RUSC2: variants seen among roughly 807,000 people sequenced by gnomAD.
The protein encoded by RUSC2 is RUN and SH3 domain containing 2, also known as AP-4 complex accessory subunit RUSC2.
A neutral mutation model predicts 122.2 loss-of-function variants in RUSC2; 34 were observed. The observed-to-expected ratio is 0.28, with a 90% CI of 0.21 to 0.37. The LOEUF (loss-of-function observed/expected upper bound fraction) is 0.37. RUSC2 is among the 10% of genes least tolerant of loss of function. The probability of loss-of-function intolerance (pLI) is 1.00; values close to 1 mark genes in which losing one functional copy is unlikely to be tolerated. For synonymous variants in RUSC2, 784 were observed against 790.0 expected (o/e 0.99, Z 0.13); for missense variants, 1,747 against 1,952.4 (o/e 0.89, Z 1.98).
At position 35,517,516 on chromosome 9, in the gene RUSC2, A is replaced by G. The variant is rs931475102; in HGVS notation, c.-93+27344A>G. On this transcript the variant is annotated intron_variant, in intron 1 of 11. Coordinates refer to ENST00000361226, the MANE Select transcript of RUSC2 (RefSeq NM_014806.5). ...AGTGTCCTGGGCCCACAAACAGGGG[A>G]GAATTAGCTTTGTGGCTGCTAGATA... 3.9e-5 allele frequency among the ~76,000 whole-genome samples: 6 copies of G among 152,294 alleles called. No individual in the cohort carries two copies. In the East Asian group the frequency reaches 9.6e-4, roughly 24 times the overall value.
chr9:35,547,814 A>T lies in RUSC2; in HGVS notation c.1293A>T (p.Pro431=). The T allele has an allele frequency of 6.2e-7, 1 of 1,611,952 alleles. No homozygotes were observed. Among genetic ancestry groups the T allele is most frequent in the Non-Finnish European group, 8.5e-7 (1 of 1,179,190 alleles). ...AACACACCAAGATAAGTCCCCCACC[A>T]GGCCCTGGCCCAGACCCAGGCCCCA... is the stretch of plus-strand genomic sequence containing the variant. ...SEEHTKISPP[P]GPGPDPGPSQ... The change falls in exon 2 of 12, where the codon CCA becomes CCT. Residue 431 remains proline (P), a synonymous_variant. Transcript: ENST00000361226. The surrounding 1 kb of genome is among the most constrained non-coding windows in gnomAD (Gnocchi z 4.6).
At chr9:35,519,736 T>A (rs1027503532) in intron 1 of RUSC2, among the ~76,000 whole-genome samples, 2 of 152,196 alleles carry the variant, frequency 1.3e-5, no homozygotes, top group African/African-American at 4.8e-5. Flanking sequence ...GCCAAAGATA[T>A]AATAATAATA....
chr9:35,505,949 C>T (rs1820908037), intron 1 of RUSC2, among the ~76,000 whole-genome samples: 1 of 152,292 alleles, frequency 6.6e-6, no homozygotes, highest in South Asian at 2.1e-4. Flanking sequence ...GATGTTCATT[C>T]TCAACACTTC....
At chr9:35,549,339 G>C (rs1244523084) in intron 2 of RUSC2, 1 of 574,864 alleles carries the variant, frequency 1.7e-6, no homozygotes, top group Non-Finnish European at 2.2e-6. Flanking sequence ...CTTTCGCCCA[G>C]GCTGGAGTGC....
At chr9:35,542,490 G>A (rs1821660254) in intron 1 of RUSC2, among the ~76,000 whole-genome samples, 1 of 152,014 alleles carries the variant, frequency 6.6e-6, no homozygotes, top group Non-Finnish European at 1.5e-5. Context: ...AAGAAAACAG[G>A]GACAAGCCAC....
At chr9:35,497,571 T>A in intron 1 of RUSC2, among the ~76,000 whole-genome samples, 1 of 152,338 alleles carries the variant, frequency 6.6e-6, no homozygotes, top group African/African-American at 2.4e-5. Context: ...TAAACACATC[T>A]GTGGGAAGCT....
Position 35,547,388 on chromosome 9 carries a change from C to T in RUSC2, c.867C>T (p.Asn289=), listed in dbSNP as rs1407741275. The T allele has an allele frequency of 6.2e-7, 1 of 1,614,066 alleles. No individual in the cohort carries two copies. The highest frequency in any genetic ancestry group is 2.2e-5 in the East Asian group (1 of 44,888). ...GVLVTFSTLY[N]KMHGTPRANL... Reference sequence around the variant, plus strand: ...TGGTCACCTTCAGCACCCTCTACAACAAGATGCATGGCACCCCCCGTGCCA... The same window carrying T: ...TGGTCACCTTCAGCACCCTCTACAATAAGATGCATGGCACCCCCCGTGCCA... Residue 289 remains asparagine, a synonymous_variant, in exon 2 of 12, where the codon AAC becomes AAT. Coordinates refer to ENST00000361226, the MANE Select transcript of RUSC2 (RefSeq NM_014806.5). The surrounding 1 kb of genome is among the most constrained non-coding windows in gnomAD (Gnocchi z 4.6).
intron 1 of RUSC2, among the ~76,000 whole-genome samples, chr9:35,534,412 C>T (rs1821481815): frequency 8.2e-6 from 1 of 122,188 alleles, no homozygotes; most frequent in South Asian, 2.8e-4. Context: ...CCCATCTCTA[C>T]AAATAATACA....
chr9:35,560,226 C>G lies in RUSC2; in HGVS notation c.3586C>G (p.Gln1196Glu). 2 of 1,603,524 alleles carry G rather than the reference C, an allele frequency of 1.2e-6. No individual in the cohort carries two copies. The highest frequency in any genetic ancestry group is 1.7e-6 in the Non-Finnish European group (2 of 1,178,528). ...GCACAAGGAACTGCTGCGGGTGTCC[C>G]AGGACCTGCTGCTGTCTGCCCACTC... ...RQHKELLRVS[Q>E]DLLLSAHSTL... is the part of the protein sequence containing the mutation. Residue 1196 changes from glutamine (Q) to glutamate (E), a missense_variant, in exon 10 of 12, where the codon CAG (glutamine) becomes GAG (glutamate). Coordinates refer to ENST00000361226, the MANE Select transcript of RUSC2 (RefSeq NM_014806.5).
At chr9:35,559,997 G>A (rs765389898) in intron 9 of RUSC2, 32 bp from the exon 10 acceptor site, 2 of 1,538,144 alleles carry the variant, frequency 1.3e-6, no homozygotes, top group South Asian at 2.5e-5. Context: ...CTGGTTCTCT[G>A]TGTGGATCAG....
rs1381282463 is a variant in RUSC2 at position 35,546,631 on chromosome 9, G to A, written c.110G>A (p.Gly37Asp). The A allele has an allele frequency of 6.4e-6, 10 of 1,566,576 alleles. No homozygotes were observed. The highest frequency in any genetic ancestry group is 2.3e-5 in the East Asian group (1 of 44,298). ...TGCTGTGGAGGGGCAGGTGGAGGTG[G>A]TGGGAGCACAAGACCTAATCCCTTC... Reference protein sequence around the residue: ...RQCCGGAGGGGGSTRPNPFCP... With the variant: ...RQCCGGAGGGDGSTRPNPFCP... Residue 37 changes from glycine (G) to aspartate (D), a missense_variant, in exon 2 of 12, where the codon GGT (glycine) becomes GAT (aspartate). Transcript: ENST00000361226. This position sits in a 1 kb window ranked among gnomAD's most constrained non-coding sequence, Gnocchi z 4.3.
intron 2 of RUSC2, among the ~76,000 whole-genome samples, chr9:35,550,041 A>T (rs1221520912): frequency 6.6e-6 from 1 of 151,956 alleles, no homozygotes; most frequent in Non-Finnish European, 1.5e-5. Context: ...GTAAAACCCC[A>T]TCTCTACTAA....
At chr9:35,514,783 C>T (rs1361217893) in intron 1 of RUSC2, among the ~76,000 whole-genome samples, 3 of 152,128 alleles carry the variant, frequency 2.0e-5, no homozygotes, top group African/African-American at 4.8e-5. Flanking sequence ...GTTTTTTGCT[C>T]GGCTATCTCT....
intron 1 of RUSC2, among the ~76,000 whole-genome samples, chr9:35,510,726 A>G (rs942298860): frequency 1.3e-4 from 20 of 152,222 alleles, no homozygotes; most frequent in African/African-American, 4.8e-4. Flanking sequence ...CGTTTGCCCA[A>G]AGCAGAGAAG....
At chr9:35,519,828 G>A (rs1022701125) in intron 1 of RUSC2, among the ~76,000 whole-genome samples, 1 of 152,076 alleles carries the variant, frequency 6.6e-6, no homozygotes, top group Non-Finnish European at 1.5e-5. Flanking sequence ...GCTTTTCAGG[G>A]AAAATATGAC....
In RUSC2 at chr9:35,492,675, A is replaced by AAT. The variant is rs113791146; in HGVS notation, c.-93+2517_-93+2518dup. Among the ~76,000 whole-genome samples the AAT allele has an allele frequency of 2.8e-3, 430 of 151,024 alleles. 4 individuals carry two copies. The Middle Eastern group carries it at 0.031, about 11-fold the overall frequency. ...TACCATATTTACTCTTTATGGTGGT[A>AAT]ATATATATATATATAACATAGAATT... On this transcript the variant is annotated intron_variant, in intron 1 of 11. Transcript: ENST00000361226.
intron 1 of RUSC2, among the ~76,000 whole-genome samples, chr9:35,544,349 C>T (rs1431103738): frequency 2.1e-5 from 3 of 140,038 alleles, no homozygotes; most frequent in African/African-American, 8.1e-5. Flanking sequence ...CACTCTGTCA[C>T]CAGGCTGGAG....
chr9:35,526,631 G>A (rs909863863), intron 1 of RUSC2, among the ~76,000 whole-genome samples: 3 of 152,130 alleles, frequency 2.0e-5, no homozygotes, highest in Admixed American at 6.5e-5. Context: ...ATTTTACTTG[G>A]TGTGGGGTAC....
intron 2 of RUSC2, among the ~76,000 whole-genome samples, chr9:35,551,671 CT>C (rs925572738): frequency 3.3e-5 from 5 of 152,200 alleles, no homozygotes; most frequent in African/African-American, 4.8e-5. Flanking sequence ...TTCTGTACAG[CT>C]TTTTTCTAAA....
Sources: gnomAD v4.1 joint callset for allele counts (sites outside exome capture counted in the v4.1 genomes callset) on GRCh38, gnomAD v4.1.1 for gene constraint, Gnocchi (gnomAD v3.1) non-coding constraint, MANE v1.5 for transcripts, NCBI Gene and HGNC (gene_info 2026-07-23, HGNC 2026-07-21) for gene names.